The following ADCY7 variants were observed in gnomAD, a reference collection of about 807,000 sequenced individuals.
The protein encoded by ADCY7 is adenylate cyclase type 7.
Under a neutral mutation model 120.6 loss-of-function variants are expected in ADCY7, and 72 were observed. That is an observed-to-expected ratio of 0.60 (90% confidence interval 0.49 to 0.73). ADCY7 has a LOEUF of 0.73. ADCY7 is among the 30% of genes least tolerant of loss of function. ADCY7 has a pLI of 0.00. For synonymous variants in ADCY7, 661 were observed against 628.0 expected, an observed-to-expected ratio of 1.05 and a Z score of -0.78; for missense variants, 1,227 against 1,486.0, an observed-to-expected ratio of 0.83 and a Z score of 2.87.
chr16:50,271,934 C>T (rs1445126307), intron 1 of ADCY7, among the ~76,000 whole-genome samples: 3 of 152,352 alleles, frequency 2.0e-5, no homozygotes, highest in East Asian at 3.9e-4. Context: ...CCGGGATACC[C>T]TCTTCTCACC....
In ADCY7 at chr16:50,290,584, C is replaced by A. The variant is rs1305394959; in HGVS notation, c.299C>A (p.Thr100Asn). 1 of 1,614,188 alleles carries A rather than the reference C, an allele frequency of 6.2e-7. No homozygotes were observed. The highest frequency in any genetic ancestry group is 1.7e-5 in the Admixed American group (1 of 60,028). The change falls in exon 3 of 26, where the codon ACC becomes AAC. Residue 100 changes from threonine (T) to asparagine (N), a missense_variant. Transcript: ENST00000673801. ...RRWLRALALL[T>N]WACLVALGYV... ...TGGCTCAGGGCCTTGGCGCTGCTCA[C>A]CTGGGCCTGCTTGGTGGCGCTGGGC... is the stretch of plus-strand genomic sequence containing the variant.
Position 50,310,663 on chromosome 16 carries a change from CTGAG to C in ADCY7, c.2161-20_2161-17del. 6.2e-7 allele frequency: 1 copy of C among 1,611,240 alleles called. No homozygotes were observed. The highest frequency in any genetic ancestry group is 8.5e-7 in the Non-Finnish European group (1 of 1,178,302). On this transcript the variant is annotated intron_variant, in intron 18 of 25. Transcript: ENST00000673801. ...GAGTACGTGGTGGGGTGGCCCTGTCCTGAGTGACACCCTGCCCCCTCAGTACTAC... is the reference window on the plus strand; with the variant it reads ...GAGTACGTGGTGGGGTGGCCCTGTCCTGACACCCTGCCCCCTCAGTACTAC...
chr16:50,296,520 C>T (rs77611239), intron 7 of ADCY7, among the ~76,000 whole-genome samples: 1 of 152,088 alleles, frequency 6.6e-6, no homozygotes, highest in African/African-American at 2.4e-5. Context: ...CCACGCCTGG[C>T]TAATTTTTTG....
At position 50,292,743 on chromosome 16, in the gene ADCY7, AG is replaced by A. The variant is rs780786501; in HGVS notation, c.607del (p.Asp203MetfsTer11). The A allele has an allele frequency of 6.2e-7, 1 of 1,614,002 alleles. No homozygotes were observed. Among genetic ancestry groups the A allele is most frequent in the South Asian group, 1.1e-5 (1 of 91,084 alleles). On this transcript the variant is annotated frameshift_variant, in exon 5 of 26. Transcript: ENST00000673801. LOFTEE classifies it high-confidence loss of function. The part of the protein sequence containing the change: ...LTGAFHKHQM[Q>X]DASRDLFTYT... ...GGCGCCTTCCACAAGCACCAAATGC[AG>A]GATGCATCCCGGGACCTCTTCACCT...
At chr16:50,261,454 G>A (rs958033145) in intron 1 of ADCY7, among the ~76,000 whole-genome samples, 5 of 151,834 alleles carry the variant, frequency 3.3e-5, no homozygotes, top group African/African-American at 1.2e-4. Context: ...GAGGCAGGAG[G>A]AGGAGGCAGG....
intron 1 of ADCY7, among the ~76,000 whole-genome samples, chr16:50,277,563 AC>A (rs71382311): frequency 6.6e-6 from 1 of 151,656 alleles, no homozygotes; most frequent in East Asian, 1.9e-4. Context: ...TTGCTATGTT[AC>A]CCAGGCTAGA....
chr16:50,303,956 TGC>T (rs2035896626), intron 10 of ADCY7, among the ~76,000 whole-genome samples: 1 of 151,916 alleles, frequency 6.6e-6, no homozygotes, highest in Non-Finnish European at 1.5e-5. Flanking sequence ...AGCTGATGGG[TGC>T]TCAGGCCCCA....
intron 1 of ADCY7, among the ~76,000 whole-genome samples, chr16:50,282,124 C>G (rs1051361996): frequency 2.6e-5 from 4 of 152,338 alleles, no homozygotes; most frequent in African/African-American, 9.6e-5. Flanking sequence ...CCCAAAGCAG[C>G]CCTGAGCCTG....
chr16:50,283,760 C>T (rs1419312885), intron 1 of ADCY7, among the ~76,000 whole-genome samples: 6 of 152,146 alleles, frequency 3.9e-5, no homozygotes, highest in Non-Finnish European at 4.4e-5. Context: ...TACCTCTGCT[C>T]TTGGTGGCTT....
At chr16:50,274,485 G>A (rs1035250280) in intron 1 of ADCY7, among the ~76,000 whole-genome samples, 2 of 152,060 alleles carry the variant, frequency 1.3e-5, no homozygotes, top group African/African-American at 4.8e-5. Flanking sequence ...CCTGCAGAAG[G>A]GCTCTTCCGG....
Position 50,288,169 on chromosome 16 carries a change from A to G in ADCY7, c.-11A>G. The G allele has an allele frequency of 6.5e-7, 1 of 1,542,434 alleles. No homozygotes were observed. The highest frequency in any genetic ancestry group is 1.4e-5 in the African/African-American group (1 of 72,872). ...ACGGCCCCTTAACGACACGCGTGCC[A>G]AGGGTGGAGGATGCCAGCCAAGGGG... On this transcript the variant is annotated 5_prime_UTR_variant, in exon 2 of 26. Coordinates refer to ENST00000673801, the MANE Select transcript of ADCY7 (RefSeq NM_001114.5).
At chr16:50,287,696 A>AT (rs2034668696) in intron 1 of ADCY7, among the ~76,000 whole-genome samples, 1 of 151,258 alleles carries the variant, frequency 6.6e-6, no homozygotes, top group African/African-American at 2.4e-5. Context: ...AAAAAAAAAA[A>AT]GCAGCCACAT....
At chr16:50,274,542 C>T (rs1266370122) in intron 1 of ADCY7, among the ~76,000 whole-genome samples, 1 of 152,100 alleles carries the variant, frequency 6.6e-6, no homozygotes, top group African/African-American at 2.4e-5. Flanking sequence ...GTCTCTCGTG[C>T]CCCCTAGGCC....
chr16:50,308,892 C>CT (rs2036261684), intron 17 of ADCY7, 100 bp downstream of exon 17: 2 of 1,408,370 alleles, frequency 1.4e-6, no homozygotes, highest in African/African-American at 2.9e-5. Flanking sequence ...TGGTTGTCCT[C>CT]TCCCCCGAGC....
chr16:50,298,881 C>G (rs2035530681), intron 7 of ADCY7, 23 bp from the exon 8 acceptor site: 1 of 1,607,196 alleles, frequency 6.2e-7, no homozygotes, highest in Admixed American at 1.7e-5. Context: ...TTCCAGTGAC[C>G]AGGCCCTTCC....
intron 1 of ADCY7, among the ~76,000 whole-genome samples, chr16:50,278,335 C>T (rs1451651538): frequency 2.0e-5 from 3 of 152,218 alleles, no homozygotes; most frequent in African/African-American, 7.2e-5. Context: ...GCCACCATGC[C>T]TGGCCCTTCC....
chr16:50,258,888 G>A (rs2032988468), intron 1 of ADCY7, among the ~76,000 whole-genome samples: 1 of 152,070 alleles, frequency 6.6e-6, no homozygotes, highest in Non-Finnish European at 1.5e-5. Context: ...GAGCCACCAC[G>A]CCCAACCCTT....
intron 1 of ADCY7, among the ~76,000 whole-genome samples, chr16:50,252,625 TG>T (rs1281292049): frequency 1.3e-5 from 2 of 152,112 alleles, no homozygotes; most frequent in Non-Finnish European, 1.5e-5. Flanking sequence ...GTTCAACAGA[TG>T]GGGAAACTGA....
At chr16:50,285,094 G>A (rs961636432) in intron 1 of ADCY7, among the ~76,000 whole-genome samples, 1 of 152,214 alleles carries the variant, frequency 6.6e-6, no homozygotes, top group Non-Finnish European at 1.5e-5. Flanking sequence ...TAGATTTAGA[G>A]GTTGTAAACT....
Sources: allele counts gnomAD v4.1 joint callset (sites outside exome capture counted in the v4.1 genomes callset), GRCh38; gene constraint gnomAD v4.1.1; transcripts MANE v1.5; gene names NCBI Gene and HGNC (gene_info 2026-07-23, HGNC 2026-07-21).